The following L3MBTL4 variants were observed in gnomAD, a reference collection of about 807,000 sequenced individuals.
The protein encoded by L3MBTL4 is lethal(3)malignant brain tumor-like protein 4.
Under a neutral mutation model 84.5 loss-of-function variants are expected in L3MBTL4, and 70 were observed. The ratio of observed to expected loss-of-function variants is 0.83; its 90% CI spans 0.68 to 1.01. The LOEUF is 1.01. L3MBTL4 is among the 50% of genes least tolerant of loss of function. L3MBTL4 has a pLI of 0.00. For missense variants in L3MBTL4, 715 were observed against 754.8 expected, an observed-to-expected ratio of 0.95 and a Z score of 0.62; for synonymous variants, 274 against 259.8, an observed-to-expected ratio of 1.05 and a Z score of -0.52.
intron 16 of L3MBTL4, among the ~76,000 whole-genome samples, chr18:6,041,718 T>C (rs1355645273): frequency 6.6e-6 from 1 of 152,110 alleles, no homozygotes; most frequent in African/African-American, 2.4e-5. Flanking sequence ...CCCAGTGGAC[T>C]GTTTCATTCT....
intron 1 of L3MBTL4, among the ~76,000 whole-genome samples, chr18:6,398,998 T>A (rs1269610014): frequency 6.6e-6 from 1 of 152,218 alleles, no homozygotes; most frequent in Non-Finnish European, 1.5e-5. Context: ...TTGGAACATA[T>A]GCTTCAATAA....
intron 16 of L3MBTL4, among the ~76,000 whole-genome samples, chr18:6,024,221 C>G (rs1189472920): frequency 1.3e-5 from 2 of 152,120 alleles, no homozygotes; most frequent in Non-Finnish European, 2.9e-5. Flanking sequence ...TCACAACTAC[C>G]CTCACTTACG....
intron 16 of L3MBTL4, among the ~76,000 whole-genome samples, chr18:5,994,251 TTCTC>T (rs1033213344): frequency 1.3e-5 from 2 of 152,212 alleles, no homozygotes; most frequent in African/African-American, 4.8e-5. Flanking sequence ...CTTTTTGTCT[TTCTC>T]TAGCACAATT....
intron 17 of L3MBTL4, among the ~76,000 whole-genome samples, chr18:5,964,955 A>G (rs1052546943): frequency 2.0e-5 from 3 of 152,232 alleles, no homozygotes; most frequent in African/African-American, 7.2e-5. Context: ...AAAGATTCAA[A>G]GATATAAAAA....
At chr18:6,252,187 C>A (rs924489676) in intron 5 of L3MBTL4, among the ~76,000 whole-genome samples, 1 of 152,088 alleles carries the variant, frequency 6.6e-6, no homozygotes, top group Admixed American at 6.5e-5. Flanking sequence ...GTGGTGGGCA[C>A]CTGTAATCCC....
At chr18:6,318,816 C>T (rs778764061) in intron 1 of L3MBTL4, among the ~76,000 whole-genome samples, 10 of 152,078 alleles carry the variant, frequency 6.6e-5, no homozygotes, top group Non-Finnish European at 1.3e-4. Context: ...TACCGAAGAA[C>T]TGCAGAATAT....
chr18:6,281,918 T>C (rs1568431251), intron 4 of L3MBTL4, among the ~76,000 whole-genome samples: 1 of 152,194 alleles, frequency 6.6e-6, no homozygotes, highest in African/African-American at 2.4e-5. Context: ...GGGGAACAAA[T>C]ACATTTCTAC....
chr18:6,299,051 A>G (rs879678417), intron 4 of L3MBTL4, among the ~76,000 whole-genome samples: 1 of 152,232 alleles, frequency 6.6e-6, no homozygotes, highest in Non-Finnish European at 1.5e-5. Context: ...GTAAAGGCAT[A>G]TAGGTCTGGG....
intron 12 of L3MBTL4, among the ~76,000 whole-genome samples, chr18:6,181,870 C>T (rs2044489170): frequency 6.6e-6 from 1 of 152,166 alleles, no homozygotes; most frequent in Non-Finnish European, 1.5e-5. Flanking sequence ...TCTAGCATTC[C>T]ATGGTGTATA....
chr18:6,185,149 A>G (rs1325407978), intron 12 of L3MBTL4, among the ~76,000 whole-genome samples: 3 of 152,200 alleles, frequency 2.0e-5, no homozygotes, highest in Non-Finnish European at 4.4e-5. Context: ...CCAGCAGACA[A>G]ATGAAAAGTC....
At position 6,234,260 on chromosome 18, in the gene L3MBTL4, G is replaced by A. The variant is rs547680230; in HGVS notation, c.784+3704C>T. On this transcript the variant is annotated intron_variant, in intron 10 of 18. Coordinates refer to ENST00000317931, the MANE Select transcript of L3MBTL4 (RefSeq NM_001330559.2). ...CCATTCAGGACATAGGCATGGGCAA[G>A]GACTTCATGTCTAAAACACCAAAAG... Among the ~76,000 whole-genome samples, 861 of 152,170 alleles carry A rather than the reference G, an allele frequency of 5.7e-3. 9 individuals carry two copies. Among genetic ancestry groups the A allele is most frequent in the African/African-American group, 0.02 (831 of 41,522 alleles).
At chr18:6,187,026 G>C (rs2044805802) in intron 12 of L3MBTL4, among the ~76,000 whole-genome samples, 1 of 152,212 alleles carries the variant, frequency 6.6e-6, no homozygotes, top group Admixed American at 6.5e-5. Context: ...GGAGGGACAG[G>C]ACGATGCCCA....
intron 16 of L3MBTL4, among the ~76,000 whole-genome samples, chr18:6,021,834 C>T (rs985614988): frequency 1.3e-5 from 2 of 152,148 alleles, no homozygotes; most frequent in African/African-American, 4.8e-5. Context: ...CTCTCCTCTC[C>T]AAGGCACTTT....
At chr18:6,018,426 T>G (rs650502) in intron 16 of L3MBTL4, among the ~76,000 whole-genome samples, 1 of 152,102 alleles carries the variant, frequency 6.6e-6, no homozygotes, top group African/African-American at 2.4e-5. Context: ...GCTAGAACCA[T>G]GGGAAATTCT....
intron 5 of L3MBTL4, among the ~76,000 whole-genome samples, chr18:6,248,930 A>G (rs1286007075): frequency 6.6e-6 from 1 of 152,236 alleles, no homozygotes; most frequent in Non-Finnish European, 1.5e-5. Context: ...TTTTTCTTAC[A>G]TTCTGAGGTC....
At chr18:6,290,778 T>C (rs1270657104) in intron 4 of L3MBTL4, among the ~76,000 whole-genome samples, 1 of 152,164 alleles carries the variant, frequency 6.6e-6, no homozygotes, top group Non-Finnish European at 1.5e-5. Context: ...TCCACCCGTC[T>C]CGGCCTCCCA....
intron 4 of L3MBTL4, among the ~76,000 whole-genome samples, chr18:6,287,009 G>T (rs1446109633): frequency 1.3e-5 from 2 of 152,180 alleles, no homozygotes; most frequent in African/African-American, 4.8e-5. Flanking sequence ...GGATAAGGCA[G>T]CTTATGGTCC....
At chr18:6,215,638 A>C in intron 11 of L3MBTL4, 112 bp downstream of exon 11, 1 of 517,694 alleles carries the variant, frequency 1.9e-6, no homozygotes, top group Non-Finnish European at 3.3e-6. Context: ...TTATGAAATT[A>C]CTACTTGAAT....
chr18:6,147,663 G>A (rs149931051), intron 13 of L3MBTL4, among the ~76,000 whole-genome samples: 2 of 152,084 alleles, frequency 1.3e-5, no homozygotes, highest in African/African-American at 2.4e-5. Flanking sequence ...GAGATGAATC[G>A]ATATAATAAT....
Sources: allele counts gnomAD v4.1 joint callset (sites outside exome capture counted in the v4.1 genomes callset), GRCh38; gene constraint gnomAD v4.1.1; transcripts MANE v1.5; gene names NCBI Gene and HGNC (gene_info 2026-07-23, HGNC 2026-07-21).